The following RUNX1 variants were observed in gnomAD, a reference collection of about 807,000 sequenced individuals.
The protein encoded by RUNX1 is runt-related transcription factor 1.
A neutral mutation model predicts 42.8 loss-of-function variants in RUNX1; 19 were observed. The ratio of observed to expected loss-of-function variants is 0.44; its 90% CI spans 0.31 to 0.65. The LOEUF is 0.65. Among genes scored for constraint, RUNX1 ranks in the 30% least tolerant of loss-of-function variants. The probability of loss-of-function intolerance (pLI) is 0.07; values close to 1 mark genes in which losing one functional copy is unlikely to be tolerated. For synonymous variants in RUNX1, 271 were observed against 289.4 expected, an observed-to-expected ratio of 0.94 and a Z score of 0.64; for missense variants, 528 against 672.0, an observed-to-expected ratio of 0.79 and a Z score of 2.37.
intron 3 of RUNX1, among the ~76,000 whole-genome samples, chr21:34,888,891 C>G (rs1201926580): frequency 6.6e-6 from 1 of 151,674 alleles, no homozygotes; most frequent in African/African-American, 2.4e-5. Context: ...TGTACGCAGC[C>G]CGGGCGGGGA....
At chr21:34,957,081 G>A (rs1302552700) in intron 2 of RUNX1, among the ~76,000 whole-genome samples, 1 of 152,164 alleles carries the variant, frequency 6.6e-6, no homozygotes, top group East Asian at 1.9e-4. Context: ...GAAAGAAGCT[G>A]GCCACGAAGC....
intron 2 of RUNX1, among the ~76,000 whole-genome samples, chr21:34,930,289 T>TATATAA (rs1555906453): frequency 1.5e-5 from 2 of 137,312 alleles, no homozygotes; most frequent in African/African-American, 6.3e-5. Context: ...TATATATATA[T>TATATAA]ATAAATAAAT....
At chr21:34,908,475 G>C (rs1404394671) in intron 2 of RUNX1, among the ~76,000 whole-genome samples, 1 of 152,146 alleles carries the variant, frequency 6.6e-6, no homozygotes, top group African/African-American at 2.4e-5. Flanking sequence ...CAGCAAGGTC[G>C]TTGCTCAATT....
In RUNX1 at chr21:35,047,056, C is replaced by T. The variant is rs78735624; in HGVS notation, c.58+1786G>A. On this transcript the variant is annotated intron_variant, in intron 2 of 8. Coordinates refer to ENST00000675419, the MANE Select transcript of RUNX1 (RefSeq NM_001754.5). ...TCAGCGTGTCCCTCACCATCTTTGC[C>T]GTTGGCCAGTAAGGAGAGCCCCAGG... Among the ~76,000 whole-genome samples, 624 of 152,194 alleles carry T rather than the reference C, an allele frequency of 4.1e-3. 9 individuals carry two copies. The highest frequency in any genetic ancestry group is 0.014 in the African/African-American group (588 of 41,534).
rs2058005751 is a variant in RUNX1, at chr21:34,887,080, G to A, written c.114C>T (p.Arg38=). 1.9e-6 allele frequency: 3 copies of A among 1,598,492 alleles called. No homozygotes were observed. The highest frequency in any genetic ancestry group is 2.5e-6 in the Non-Finnish European group (3 of 1,179,852). Residue 38 remains arginine, a synonymous_variant, in exon 4 of 9, where the codon CGC becomes CGT. Transcript: ENST00000675419. The part of the protein sequence containing the change: ...SRDVHDASTS[R]RFTPPSTALS... ...GCGCGGTGGAAGGCGGCGTGAAGCG[G>A]CGGCTCGTGCTGGCATCTACGGGGA... is the stretch of plus-strand genomic sequence containing the variant.
At chr21:34,839,361 A>G (rs186533927) in intron 6 of RUNX1, among the ~76,000 whole-genome samples, 1 of 149,998 alleles carries the variant, frequency 6.7e-6, no homozygotes, top group East Asian at 1.9e-4. Flanking sequence ...CGACACACAC[A>G]CTCGGGATGT....
rs117924340 is a variant in RUNX1 at position 34,890,894 on chromosome 21, A to G, written c.97+2031T>C. 1.3e-3 allele frequency among the ~76,000 whole-genome samples: 192 copies of G among 151,904 alleles called. 1 individual carries two copies. Among genetic ancestry groups the G allele is most frequent in the Non-Finnish European group, 1.6e-3 (112 of 67,886 alleles). On this transcript the variant is annotated intron_variant, in intron 3 of 8. Transcript: ENST00000675419. ...GGGAAACCTTTTCGCCTGGTCTCCA[A>G]TGCATTTCCCCGAGATCCCACCCAG...
rs1303002982 is a variant in RUNX1, at chr21:34,809,733, G to A, written c.806-10271C>T. On this transcript the variant is annotated intron_variant, in intron 7 of 8. Coordinates refer to ENST00000675419, the MANE Select transcript of RUNX1 (RefSeq NM_001754.5). ...CACCTGTGATATCTCTGGCTAAACAGATACAGTTAAGAGCTGTCGCTGGGG... is the reference window on the plus strand; with the variant it reads ...CACCTGTGATATCTCTGGCTAAACAAATACAGTTAAGAGCTGTCGCTGGGG... Among the ~76,000 whole-genome samples the A allele has an allele frequency of 3.3e-5, 5 of 152,240 alleles. No individual in the cohort carries two copies. In the East Asian group the frequency reaches 9.7e-4, roughly 29 times the overall value.
chr21:34,874,610 CAAAAAAAAAAAAAA>C (rs59950735), intron 5 of RUNX1, among the ~76,000 whole-genome samples: 2 of 25,298 alleles, frequency 7.9e-5, no homozygotes, highest in African/African-American at 4.6e-4. Context: ...AACTCTGTCT[CAAAAAAAAAAAAAA>C]AAAAAAAAAA....
chr21:34,982,318 T>C lies in RUNX1; in HGVS notation c.58+66524A>G, dbSNP rs899916257. Among the ~76,000 whole-genome samples the C allele has an allele frequency of 4.6e-5, 7 of 152,030 alleles. No individual in the cohort carries two copies. The East Asian group carries it at 9.7e-4, about 21-fold the overall frequency. ...CATTTACATCATTCATTAAGTAAAA[T>C]AAAGATTGTTGTTGATGAAGGGGTA... is the stretch of plus-strand genomic sequence containing the variant. On this transcript the variant is annotated intron_variant, in intron 2 of 8. Transcript: ENST00000675419.
chr21:34,893,163 A>G (rs1335060632), intron 2 of RUNX1, among the ~76,000 whole-genome samples, 200 bp from the exon 3 acceptor site: 1 of 152,132 alleles, frequency 6.6e-6, no homozygotes, highest in Non-Finnish European at 1.5e-5. Flanking sequence ...GGTTTTAGGT[A>G]CCTTCAACCA....
chr21:34,808,717 G>A (rs2268276), intron 7 of RUNX1, among the ~76,000 whole-genome samples: 57,743 of 152,010 alleles, frequency 0.38, 11,818 homozygotes, highest in Non-Finnish European at 0.45. Context: ...ACTGTCAGAC[G>A]GTTCCCAGGG....
chr21:34,873,701 T>C (rs2057772193), intron 5 of RUNX1, among the ~76,000 whole-genome samples: 1 of 152,198 alleles, frequency 6.6e-6, no homozygotes, highest in Non-Finnish European at 1.5e-5. Context: ...GAATGGGACA[T>C]GCTGCCCAAT....
chr21:34,998,581 A>C (rs758982047), intron 2 of RUNX1, among the ~76,000 whole-genome samples: 1 of 151,744 alleles, frequency 6.6e-6, no homozygotes. Flanking sequence ...TTGCTCTGTC[A>C]CCCAGGCTGT....
At chr21:34,977,977 G>A (rs1160841216) in intron 2 of RUNX1, among the ~76,000 whole-genome samples, 2 of 151,106 alleles carry the variant, frequency 1.3e-5, no homozygotes, top group African/African-American at 2.4e-5. Flanking sequence ...GCTGGATTGC[G>A]GTGGCAGTGA....
At chr21:34,799,045 T>A (rs1178010928) in intron 8 of RUNX1, among the ~76,000 whole-genome samples, 1 of 152,204 alleles carries the variant, frequency 6.6e-6, no homozygotes, top group African/African-American at 2.4e-5. Context: ...GTCACCATCC[T>A]TTCTTGCCAA....
intron 8 of RUNX1, among the ~76,000 whole-genome samples, chr21:34,798,964 C>T (rs1197751751): frequency 6.6e-6 from 1 of 152,140 alleles, no homozygotes; most frequent in Non-Finnish European, 1.5e-5. Flanking sequence ...CCCATTAGTC[C>T]AGAATTCATT....
chr21:34,988,994 ATC>A (rs905748186), intron 2 of RUNX1, among the ~76,000 whole-genome samples: 15 of 134,822 alleles, frequency 1.1e-4, no homozygotes, highest in Middle Eastern at 3.8e-3. Flanking sequence ...GCTGGCCCAG[ATC>A]TCTCTCTCTC....
chr21:34,892,564 T>A (rs903004441), intron 3 of RUNX1, among the ~76,000 whole-genome samples: 1 of 152,200 alleles, frequency 6.6e-6, no homozygotes, highest in African/African-American at 2.4e-5. Flanking sequence ...CATTTTACTC[T>A]CATAAAAATC....
Sources: allele counts gnomAD v4.1 joint callset (sites outside exome capture counted in the v4.1 genomes callset), GRCh38; gene constraint gnomAD v4.1.1; transcripts MANE v1.5; gene names NCBI Gene and HGNC (gene_info 2026-07-23, HGNC 2026-07-21).